KDM4C: variants seen among roughly 807,000 people sequenced by gnomAD.
KDM4C encodes lysine-specific demethylase 4C.
In KDM4C, 81 loss-of-function variants were observed where a neutral mutation model predicts 129.3. The ratio of observed to expected loss-of-function variants is 0.63; its 90% CI spans 0.52 to 0.75. The LOEUF (loss-of-function observed/expected upper bound fraction) is 0.75, where lower values mean the gene tolerates loss of function less well. KDM4C is among the 30% of genes least tolerant of loss of function. The pLI is 0.00. For synonymous variants in KDM4C, 573 were observed against 456.1 expected (o/e 1.26, Z -3.26); for missense variants, 1,457 against 1,304.0 (o/e 1.12, Z -1.81).
At chr9:6,935,285 A>G (rs1444358107) in intron 8 of KDM4C, among the ~76,000 whole-genome samples, 5 of 152,170 alleles carry the variant, frequency 3.3e-5, no homozygotes, top group Non-Finnish European at 7.3e-5. Context: ...TAGGCATTCT[A>G]TAATTATAAT....
chr9:6,898,113 G>C (rs1244542068), intron 8 of KDM4C, among the ~76,000 whole-genome samples: 1 of 152,136 alleles, frequency 6.6e-6, no homozygotes. Flanking sequence ...AGGTTTGATG[G>C]ATTTGTTTGC....
chr9:7,016,101 C>A (rs540983343), intron 15 of KDM4C, among the ~76,000 whole-genome samples, 172 bp downstream of exon 15: 7 of 152,120 alleles, frequency 4.6e-5, no homozygotes, highest in African/African-American at 1.7e-4. Flanking sequence ...GGTTCTATAT[C>A]CATTATAGAA....
At chr9:6,966,531 G>T (rs540003401) in intron 8 of KDM4C, among the ~76,000 whole-genome samples, 2 of 152,308 alleles carry the variant, frequency 1.3e-5, no homozygotes, top group South Asian at 2.1e-4. Flanking sequence ...GTAAGCCAAG[G>T]CATGAAGATC....
rs986951839 is a variant in KDM4C at position 6,758,191 on chromosome 9, A to C, written c.-30A>C. 2 of 985,014 alleles carry C rather than the reference A, an allele frequency of 2.0e-6. No individual in the cohort carries two copies. Among genetic ancestry groups the C allele is most frequent in the African/African-American group, 3.5e-5 (2 of 57,018 alleles). The allele number at this position is 985,014 out of a possible 1,614,324, so 61.0% of individuals were successfully genotyped here. ...TCCACCGAGTCGTGCTCTCGCCCCAACCCGCGCGCCAGGTAACCGCTTTTC... is the reference window on the plus strand; with the variant it reads ...TCCACCGAGTCGTGCTCTCGCCCCACCCCGCGCGCCAGGTAACCGCTTTTC... On this transcript the variant is annotated 5_prime_UTR_variant, in exon 1 of 22. Transcript: ENST00000381309. The surrounding 1 kb of genome is among the most constrained non-coding windows in gnomAD (Gnocchi z 4.6).
rs755128990 is a variant in KDM4C at position 6,814,652 on chromosome 9, G to A, written c.342G>A (p.Leu114=). 1.2e-6 allele frequency: 2 copies of A among 1,604,330 alleles called. No individual in the cohort carries two copies. Among genetic ancestry groups the A allele is most frequent in the South Asian group, 2.2e-5 (2 of 89,340 alleles). ...NSGKYCTPRY[L]DYEDLERKYW... ...ACAGATATTGTACTCCAAGATACTT[G>A]GATTACGAAGATTTGGAGCGCAAGT... The change falls in exon 4 of 22, where the codon TTG becomes TTA. Residue 114 remains leucine, a synonymous_variant. Coordinates refer to ENST00000381309, the MANE Select transcript of KDM4C (RefSeq NM_015061.6).
At chr9:7,043,427 A>T (rs544263429) in intron 15 of KDM4C, among the ~76,000 whole-genome samples, 18 of 152,156 alleles carry the variant, frequency 1.2e-4, no homozygotes, top group African/African-American at 4.3e-4. Flanking sequence ...AGTGAGAGTT[A>T]ACCTGTTAAT....
In KDM4C at chr9:7,011,796, G is replaced by T; in HGVS notation, c.1885G>T (p.Ala629Ser). Residue 629 changes from alanine (A) to serine (S), a missense_variant, in exon 13 of 22, where the codon GCA becomes TCA. Coordinates refer to ENST00000381309, the MANE Select transcript of KDM4C (RefSeq NM_015061.6). ...HLWQTKSPNF[A>S]AEQEYNATVA... ...TTGGCAGACGAAGTCCCCTAACTTC[G>T]CAGCTGAGCAAGAGTATAATGCAAC... 1 of 1,614,076 alleles carries T rather than the reference G, an allele frequency of 6.2e-7. No homozygotes were observed. The highest frequency in any genetic ancestry group is 8.5e-7 in the Non-Finnish European group (1 of 1,179,986).
At chr9:6,789,623 C>T (rs1050839486) in intron 1 of KDM4C, among the ~76,000 whole-genome samples, 6 of 152,108 alleles carry the variant, frequency 3.9e-5, no homozygotes, top group African/African-American at 1.4e-4. Flanking sequence ...GCCTCGACCT[C>T]TCAAAGTGCT....
intron 1 of KDM4C, among the ~76,000 whole-genome samples, chr9:6,724,898 C>T (rs1407094911): frequency 2.6e-5 from 4 of 152,112 alleles, no homozygotes; most frequent in Non-Finnish European, 2.9e-5. Flanking sequence ...AATTTATTGT[C>T]TTGCAGTTCT....
chr9:6,980,484 A>T (rs923082082), intron 8 of KDM4C, among the ~76,000 whole-genome samples: 8 of 152,174 alleles, frequency 5.3e-5, no homozygotes, highest in African/African-American at 1.9e-4. Context: ...AATATATCTT[A>T]GAGTAAATTT....
chr9:6,950,049 T>G (rs1589268004), intron 8 of KDM4C, among the ~76,000 whole-genome samples: 1 of 146,414 alleles, frequency 6.8e-6, no homozygotes, highest in South Asian at 2.2e-4. Flanking sequence ...CTGGTTTTTT[T>G]TTTTTTTTTG....
chr9:6,819,185 C>G (rs1206693468), intron 4 of KDM4C: 1 of 152,048 alleles, frequency 6.6e-6, no homozygotes, highest in Non-Finnish European at 1.5e-5. Flanking sequence ...AAAATTGATA[C>G]AAAAATGTCC....
intron 18 of KDM4C, chr9:7,104,256 T>C (rs1042581568): frequency 2.1e-5 from 4 of 192,574 alleles, no homozygotes; most frequent in Non-Finnish European, 4.5e-5. Context: ...CACCTGAGAT[T>C]ATGTAGTGAA....
intron 1 of KDM4C, among the ~76,000 whole-genome samples, chr9:6,792,315 C>T (rs1052364289): frequency 6.6e-6 from 1 of 152,100 alleles, no homozygotes; most frequent in African/African-American, 2.4e-5. Flanking sequence ...TGCACTCCTG[C>T]CTAGGCAATA....
chr9:6,962,824 A>G (rs970721984), intron 8 of KDM4C, among the ~76,000 whole-genome samples: 1 of 152,136 alleles, frequency 6.6e-6, no homozygotes, highest in Admixed American at 6.5e-5. Flanking sequence ...TAATTACTCA[A>G]TTACTAAAAA....
intron 1 of KDM4C, among the ~76,000 whole-genome samples, chr9:6,761,793 C>G (rs1023758591): frequency 6.6e-6 from 1 of 152,026 alleles, no homozygotes; most frequent in African/African-American, 2.4e-5. Flanking sequence ...TTTAATGCTT[C>G]TCTCCCAACC....
At chr9:6,918,642 G>T (rs1039372411) in intron 8 of KDM4C, among the ~76,000 whole-genome samples, 5 of 152,144 alleles carry the variant, frequency 3.3e-5, no homozygotes, top group Admixed American at 6.5e-5. Flanking sequence ...TACCAGCAGT[G>T]TATGTGTTCC....
At chr9:6,971,255 G>T (rs1831934086) in intron 8 of KDM4C, among the ~76,000 whole-genome samples, 1 of 152,112 alleles carries the variant, frequency 6.6e-6, no homozygotes, top group Non-Finnish European at 1.5e-5. Context: ...AGTTGGAATT[G>T]TTTTAAAGTG....
At chr9:6,998,797 A>G (rs200339848) in intron 12 of KDM4C, among the ~76,000 whole-genome samples, 1 of 85,166 alleles carries the variant, frequency 1.2e-5, no homozygotes, top group Admixed American at 1.6e-4. Flanking sequence ...CTCTGGTTCC[A>G]AAAAAACAAA....
Sources: gnomAD v4.1 joint callset for allele counts (sites outside exome capture counted in the v4.1 genomes callset) on GRCh38, gnomAD v4.1.1 for gene constraint, Gnocchi (gnomAD v3.1) non-coding constraint, MANE v1.5 for transcripts, NCBI Gene and HGNC (gene_info 2026-07-23, HGNC 2026-07-21) for gene names.